Variants in SNX33 observed in about 807,000 individuals in gnomAD.
SNX33 encodes the protein sorting nexin 33, also known as sorting nexin-33.
SNX33 carries 19 observed loss-of-function variants against 38.8 expected under a neutral mutation model. The observed-to-expected ratio is 0.49, with a 90% CI of 0.34 to 0.72. The LOEUF (loss-of-function observed/expected upper bound fraction) is 0.72. SNX33 is among the 30% of genes least tolerant of loss of function. SNX33 has a pLI of 0.01. For missense variants in SNX33, 641 were observed against 776.4 expected, an observed-to-expected ratio of 0.83 and a Z score of 2.07; for synonymous variants, 246 against 289.7, an observed-to-expected ratio of 0.85 and a Z score of 1.53.
In SNX33 at chr15:75,657,342, C is replaced by G; in HGVS notation, c.*127C>G. The G allele has an allele frequency of 6.8e-7, 1 of 1,478,572 alleles. No individual in the cohort carries two copies. Among genetic ancestry groups the G allele is most frequent in the South Asian group, 1.3e-5 (1 of 78,708 alleles). The allele number at this position is 1,478,572 out of a possible 1,614,324, so 91.6% of individuals were successfully genotyped here. ...CGGTGGGGGAGATAAGCGGCCTGTCCTGCCTCCTGGGAGAAGGAGCTTTCA... is the reference window on the plus strand; with the variant it reads ...CGGTGGGGGAGATAAGCGGCCTGTCGTGCCTCCTGGGAGAAGGAGCTTTCA... On this transcript the variant is annotated 3_prime_UTR_variant, in exon 2 of 2. Coordinates refer to ENST00000308527, the MANE Select transcript of SNX33 (RefSeq NM_153271.2). The surrounding 1 kb of genome is among the most constrained non-coding windows in gnomAD (Gnocchi z 5.5).
At position 75,648,644 on chromosome 15, in the gene SNX33, G is replaced by A; in HGVS notation, c.-459G>A. On this transcript the variant is annotated 5_prime_UTR_variant, in exon 1 of 2. Transcript: ENST00000308527. The surrounding 1 kb of genome is among the most constrained non-coding windows in gnomAD (Gnocchi z 4.4). ...CCGCCAAAAGAATCTGGGAGCCAGA[G>A]GGACAGCCGAGCCCTGCCCGGGTTT... 1.5e-6 allele frequency: 1 copy of A among 651,998 alleles called. No homozygotes were observed. Among genetic ancestry groups the A allele is most frequent in the African/African-American group, 2.0e-5 (1 of 50,734 alleles). 40.4% of individuals were successfully genotyped at this position (651,998 alleles called of 1,614,324 possible).
chr15:75,657,400 C>A lies in SNX33; in HGVS notation c.*185C>A. 1.0e-6 allele frequency: 1 copy of A among 994,658 alleles called. No homozygotes were observed. The highest frequency in any genetic ancestry group is 1.5e-6 in the Non-Finnish European group (1 of 686,538). 61.6% of individuals were successfully genotyped at this position (994,658 alleles called of 1,614,324 possible). A position where few individuals can be genotyped will look rare whatever the true frequency, so the allele number is the denominator to read the frequency against. ...ATGGGTGCCCCTGGGAAATTCCCCA[C>A]TCCTTAGAAGTGGGGCACAGCAGGG... On this transcript the variant is annotated 3_prime_UTR_variant, in exon 2 of 2. Transcript: ENST00000308527. The surrounding 1 kb of genome is among the most constrained non-coding windows in gnomAD (Gnocchi z 5.5).
In SNX33 at chr15:75,657,553, C is replaced by G. The variant is rs956768472; in HGVS notation, c.*338C>G. 1 of 394,964 alleles carries G rather than the reference C, an allele frequency of 2.5e-6. No individual in the cohort carries two copies. Among genetic ancestry groups the G allele is most frequent in the South Asian group, 2.7e-5 (1 of 37,376 alleles). The allele number at this position is 394,964 out of a possible 1,614,324, so 24.5% of individuals were successfully genotyped here. ...GCTCACCTGGCCACTGCTGCCTTAT[C>G]CATTCAGCAGACACCGAGGCCTGCT... On this transcript the variant is annotated 3_prime_UTR_variant, in exon 2 of 2. Coordinates refer to ENST00000308527, the MANE Select transcript of SNX33 (RefSeq NM_153271.2). The surrounding 1 kb of genome is among the most constrained non-coding windows in gnomAD (Gnocchi z 5.5).
rs541061274 is a variant in SNX33, at chr15:75,649,276, C to T, written c.174C>T (p.Ile58=). The T allele has an allele frequency of 1.5e-5, 24 of 1,613,362 alleles. No homozygotes were observed. The highest frequency in any genetic ancestry group is 6.7e-5 in the East Asian group (3 of 44,876). ...TGLFPASYVE[I]VRSGISTNHA... ...TCTTTCCTGCCTCTTATGTGGAGAT[C>T]GTCCGTTCTGGCATCAGCACCAACC... The change falls in exon 1 of 2, where the codon ATC becomes ATT. Residue 58 remains isoleucine (I), a synonymous_variant. Coordinates refer to ENST00000308527, the MANE Select transcript of SNX33 (RefSeq NM_153271.2). The surrounding 1 kb of genome is among the most constrained non-coding windows in gnomAD (Gnocchi z 6.6).
chr15:75,656,846 G>A, intron 1 of SNX33, 116 bp from the exon 2 acceptor site: 1 of 1,461,676 alleles, frequency 6.8e-7, no homozygotes, highest in Non-Finnish European at 9.1e-7. Context: ...TGTGGGTCTG[G>A]GGCTCAGGAA....
In SNX33 at chr15:75,657,692, T is replaced by G. The variant is rs1048141447; in HGVS notation, c.*477T>G. ...AGAGTCAATGCAGTATGACTGATGT[T>G]TAAGTGAGGGATTTCTGGAAGCTCA... On this transcript the variant is annotated 3_prime_UTR_variant, in exon 2 of 2. Coordinates refer to ENST00000308527, the MANE Select transcript of SNX33 (RefSeq NM_153271.2). The surrounding 1 kb of genome is among the most constrained non-coding windows in gnomAD (Gnocchi z 5.5). 1.5e-5 allele frequency: 3 copies of G among 196,384 alleles called. No homozygotes were observed. The East Asian group carries it at 3.5e-4, about 23-fold the overall frequency. 12.2% of individuals were successfully genotyped at this position (196,384 alleles called of 1,614,324 possible).
chr15:75,657,218 G>T lies in SNX33; in HGVS notation c.*3G>T. 6.2e-7 allele frequency: 1 copy of T among 1,613,502 alleles called. No individual in the cohort carries two copies. The highest frequency in any genetic ancestry group is 8.5e-7 in the Non-Finnish European group (1 of 1,179,538). ...TGCGCATGTATGACAACCTCTGACCGCGTGTGCCTGGGCCCCCTCCTTCCC... is the reference window on the plus strand; with the variant it reads ...TGCGCATGTATGACAACCTCTGACCTCGTGTGCCTGGGCCCCCTCCTTCCC... On this transcript the variant is annotated 3_prime_UTR_variant, in exon 2 of 2. Coordinates refer to ENST00000308527, the MANE Select transcript of SNX33 (RefSeq NM_153271.2). The surrounding 1 kb of genome is among the most constrained non-coding windows in gnomAD (Gnocchi z 5.5).
intron 1 of SNX33, 103 bp from the exon 2 acceptor site, chr15:75,656,859 A>C (rs1893657685): frequency 6.7e-7 from 1 of 1,485,646 alleles, no homozygotes; most frequent in East Asian, 2.4e-5. Context: ...CTCAGGAATG[A>C]CGTCCGAGTT....
At position 75,649,673 on chromosome 15, in the gene SNX33, C is replaced by T. The variant is rs561996646; in HGVS notation, c.571C>T (p.Arg191Cys). 6.3e-6 allele frequency: 10 copies of T among 1,583,850 alleles called. No individual in the cohort carries two copies. Among genetic ancestry groups the T allele is most frequent in the South Asian group, 1.1e-5 (1 of 87,198 alleles). Residue 191 changes from arginine to cysteine, a missense_variant, in exon 1 of 2, where the codon CGT becomes TGT. This residue lies in a region of SNX33 where 398 missense variants were observed against 542.5 expected (regional missense o/e 0.73). Coordinates refer to ENST00000308527, the MANE Select transcript of SNX33 (RefSeq NM_153271.2). This position sits in a 1 kb window ranked among gnomAD's most constrained non-coding sequence, Gnocchi z 6.6. ...RNLNRFSCFVRSGVEAFILGD... is the reference protein window; with the variant it reads ...RNLNRFSCFVCSGVEAFILGD... The stretch of plus-strand genomic sequence containing the variant: ...CCTCAACCGTTTCTCATGCTTTGTG[C>T]GTTCTGGAGTGGAGGCCTTCATCCT...
At position 75,650,400 on chromosome 15, in the gene SNX33, C is replaced by A. The variant is rs144583212; in HGVS notation, c.1298C>A (p.Pro433His). 3.1e-6 allele frequency: 5 copies of A among 1,613,818 alleles called. No homozygotes were observed. In the Admixed American group the frequency reaches 5.0e-5, roughly 16 times the overall value. Residue 433 changes from proline to histidine, a missense_variant, in exon 1 of 2, where the codon CCC becomes CAC. Physicochemically the swap from Pro to His is moderately conservative, Grantham distance 77. Transcript: ENST00000308527. The surrounding 1 kb of genome is among the most constrained non-coding windows in gnomAD (Gnocchi z 6.1). Reference sequence around the variant, plus strand: ...AGTCATTCCTTCCAGATGGACCCCCCCTTTTGCTCTGAGGCCCTCAACAGT... The same window carrying A: ...AGTCATTCCTTCCAGATGGACCCCCACTTTTGCTCTGAGGCCCTCAACAGT... ...AISHSFQMDP[P>H]FCSEALNSAI...
chr15:75,649,118 C>T lies in SNX33; in HGVS notation c.16C>T (p.Arg6Ter), dbSNP rs765611816. The T allele has an allele frequency of 4.4e-6, 7 of 1,596,096 alleles. No homozygotes were observed. Among genetic ancestry groups the T allele is most frequent in the East Asian group, 2.2e-5 (1 of 44,528 alleles). MALKG[R>*]ALYDFHSENK... The stretch of plus-strand genomic sequence containing the variant: ...CAGCCCAGCCATGGCACTGAAAGGC[C>T]GAGCCCTCTATGACTTTCACAGTGA... The change falls in exon 1 of 2, where the codon CGA (arginine) becomes TGA (stop). Residue 6 changes from arginine to a stop codon, truncating the protein, a stop_gained. Transcript: ENST00000308527. LOFTEE classifies it high-confidence loss of function. The surrounding 1 kb of genome is among the most constrained non-coding windows in gnomAD (Gnocchi z 6.6).
Position 75,649,216 on chromosome 15 carries a change from G to C in SNX33, c.114G>C (p.Trp38Cys). ...VIFSETSLDGWLQGQNSRGET... is the reference protein window; with the variant it reads ...VIFSETSLDGCLQGQNSRGET... ...TTAGCGAGACCTCACTGGATGGCTG[G>C]CTGCAGGGCCAGAACAGCCGTGGGG... is the stretch of plus-strand genomic sequence containing the variant. The change falls in exon 1 of 2, where the codon TGG (tryptophan) becomes TGC (cysteine). Residue 38 changes from tryptophan (W) to cysteine (C), a missense_variant. By Grantham distance (215) the Trp-to-Cys change is radical (BLOSUM62 -2). Around this residue, in one of 2 missense-constraint regions of SNX33, gnomAD observed 243 missense variants for 233.9 expected, o/e 1.04. Coordinates refer to ENST00000308527, the MANE Select transcript of SNX33 (RefSeq NM_153271.2). This position sits in a 1 kb window ranked among gnomAD's most constrained non-coding sequence, Gnocchi z 6.6. The C allele has an allele frequency of 6.2e-7, 1 of 1,614,108 alleles. No individual in the cohort carries two copies. Among genetic ancestry groups the C allele is most frequent in the Non-Finnish European group, 8.5e-7 (1 of 1,180,010 alleles).
Position 75,650,114 on chromosome 15 carries a change from G to T in SNX33, c.1012G>T (p.Asp338Tyr). ...CCAGCATTTCCTCAGCTGCCTGGATGACAAGCAGTGGAAGATGGGCAAACG... is the reference window on the plus strand; with the variant it reads ...CCAGCATTTCCTCAGCTGCCTGGATTACAAGCAGTGGAAGATGGGCAAACG... Reference protein sequence around the residue: ...GFQHFLSCLDDKQWKMGKRRA... With the variant: ...GFQHFLSCLDYKQWKMGKRRA... The change falls in exon 1 of 2, where the codon GAC becomes TAC. Residue 338 changes from aspartate to tyrosine, a missense_variant. This residue lies in a region of SNX33 where 398 missense variants were observed against 542.5 expected (regional missense o/e 0.73). Transcript: ENST00000308527. This position sits in a 1 kb window ranked among gnomAD's most constrained non-coding sequence, Gnocchi z 6.1. 1.2e-6 allele frequency: 2 copies of T among 1,614,144 alleles called. No individual in the cohort carries two copies. The highest frequency in any genetic ancestry group is 1.7e-6 in the Non-Finnish European group (2 of 1,180,024).
At position 75,649,634 on chromosome 15, in the gene SNX33, G is replaced by A. The variant is rs751674874; in HGVS notation, c.532G>A (p.Val178Met). The change falls in exon 1 of 2, where the codon GTG becomes ATG. Residue 178 changes from valine to methionine, a missense_variant. Physicochemically the swap from Val to Met is conservative, Grantham distance 21. Transcript: ENST00000308527. This position sits in a 1 kb window ranked among gnomAD's most constrained non-coding sequence, Gnocchi z 6.6. ...CCTGGCATCTGCCAAGCGAGGCAGT[G>A]TGGTGGGCCGTAACCTCAACCGTTT... ...DSLASAKRGS[V>M]VGRNLNRFSC... 6.2e-7 allele frequency: 1 copy of A among 1,610,754 alleles called. No individual in the cohort carries two copies.
chr15:75,654,471 CA>C (rs999485551), intron 1 of SNX33, among the ~76,000 whole-genome samples: 2 of 152,202 alleles, frequency 1.3e-5, no homozygotes, highest in African/African-American at 4.8e-5. Context: ...CTCCAAGAGG[CA>C]GGGGCAAGAT....
chr15:75,657,819 TGGG>T lies in SNX33; in HGVS notation c.*607_*609del, dbSNP rs1893674316. ...TGACAAGGGCCTGCCAGACAGTACA[TGGG>T]GGAGAAGGACTTTCAGGGGAGAGGA... On this transcript the variant is annotated 3_prime_UTR_variant, in exon 2 of 2. Coordinates refer to ENST00000308527, the MANE Select transcript of SNX33 (RefSeq NM_153271.2). The surrounding 1 kb of genome is among the most constrained non-coding windows in gnomAD (Gnocchi z 5.5). The T allele has an allele frequency of 6.4e-6, 1 of 156,736 alleles. No individual in the cohort carries two copies. The highest frequency in any genetic ancestry group is 1.4e-5 in the Non-Finnish European group (1 of 70,494). 9.7% of individuals were successfully genotyped at this position (156,736 alleles called of 1,614,324 possible).
At position 75,650,522 on chromosome 15, in the gene SNX33, C is replaced by G; in HGVS notation, c.1420C>G (p.Leu474Val). Residue 474 changes from leucine to valine, a missense_variant, in exon 1 of 2, where the codon CTC (leucine) becomes GTC (valine). By Grantham distance (32) the Leu-to-Val change is conservative. Transcript: ENST00000308527. This position sits in a 1 kb window ranked among gnomAD's most constrained non-coding sequence, Gnocchi z 6.1. ...CTTCCAGATGCTGGACACACTGTCTCTCTACCAGGGCCTGCTCTCCAACTT... is the reference window on the plus strand; with the variant it reads ...CTTCCAGATGCTGGACACACTGTCTGTCTACCAGGGCCTGCTCTCCAACTT... Reference protein sequence around the residue: ...DLFQMLDTLSLYQGLLSNFPD... With the variant: ...DLFQMLDTLSVYQGLLSNFPD... 1.2e-6 allele frequency: 2 copies of G among 1,612,826 alleles called. No individual in the cohort carries two copies. The highest frequency in any genetic ancestry group is 1.7e-6 in the Non-Finnish European group (2 of 1,179,506).
In SNX33 at chr15:75,660,172, A is replaced by C. The variant is rs1204924452; in HGVS notation, c.*2957A>C. 1 of 152,202 alleles carries C rather than the reference A, an allele frequency of 6.6e-6. No individual in the cohort carries two copies. The highest frequency in any genetic ancestry group is 2.4e-5 in the African/African-American group (1 of 41,412). 9.4% of individuals were successfully genotyped at this position (152,202 alleles called of 1,614,324 possible). On this transcript the variant is annotated 3_prime_UTR_variant, in exon 2 of 2. Transcript: ENST00000308527. ...GCTTCTCTTTCTGCCCTGGACAGCT[A>C]CCAGCACCCGGGGTAGGGGATCCCC...
chr15:75,649,234 C>A lies in SNX33; in HGVS notation c.132C>A (p.Ser44Arg). 1 of 1,614,148 alleles carries A rather than the reference C, an allele frequency of 6.2e-7. No individual in the cohort carries two copies. Among genetic ancestry groups the A allele is most frequent in the East Asian group, 2.2e-5 (1 of 44,890 alleles). Residue 44 changes from serine (S) to arginine (R), a missense_variant, in exon 1 of 2, where the codon AGC becomes AGA. Physicochemically the swap from Ser to Arg is moderately radical, Grantham distance 110. This residue lies in a region of SNX33 where 243 missense variants were observed against 233.9 expected (regional missense o/e 1.04). Coordinates refer to ENST00000308527, the MANE Select transcript of SNX33 (RefSeq NM_153271.2). The surrounding 1 kb of genome is among the most constrained non-coding windows in gnomAD (Gnocchi z 6.6). ...SLDGWLQGQN[S>R]RGETGLFPAS... ...ATGGCTGGCTGCAGGGCCAGAACAG[C>A]CGTGGGGAGACAGGGCTCTTTCCTG...
Sources: gnomAD v4.1 joint callset for allele counts (sites outside exome capture counted in the v4.1 genomes callset) on GRCh38, gnomAD v4.1.1 for gene constraint, gnomAD v4.1.1 regional missense constraint, Gnocchi (gnomAD v3.1) non-coding constraint, MANE v1.5 for transcripts, NCBI Gene and HGNC (gene_info 2026-07-23, HGNC 2026-07-21) for gene names.